The following PRDX1 variants were observed in gnomAD, a reference collection of about 807,000 sequenced individuals.
PRDX1 encodes the protein peroxiredoxin-1.
In PRDX1, 19 loss-of-function variants were observed where a neutral mutation model predicts 20.7. That is an observed-to-expected ratio of 0.92 (90% CI 0.64 to 1.35). PRDX1 has a LOEUF of 1.35. Among genes scored for constraint, PRDX1 ranks in the 40% most tolerant of loss-of-function variants. The pLI is 0.00. For missense variants in PRDX1, 226 were observed against 240.0 expected (o/e 0.94, Z 0.38); for synonymous variants, 89 against 83.9 (o/e 1.06, Z -0.33).
In PRDX1 at chr1:45,514,970, C is replaced by G; in HGVS notation, c.286G>C (p.Gly96Arg). 1 of 1,614,218 alleles carries G rather than the reference C, an allele frequency of 6.2e-7. No homozygotes were observed. The highest frequency in any genetic ancestry group is 8.5e-7 in the Non-Finnish European group (1 of 1,180,028). The stretch of plus-strand genomic sequence containing the variant: ...AAAGGAATGTTCATGGGTCCCAGTC[C>G]TCCTTGTTTCTTAGGTGTATTGACC... ...AWVNTPKKQG[G>R]LGPMNIPLVS... Residue 96 changes from glycine to arginine, a missense_variant, in exon 4 of 6, where the codon GGA becomes CGA. Coordinates refer to ENST00000319248, the MANE Select transcript of PRDX1 (RefSeq NM_181697.3).
intron 1 of PRDX1, among the ~76,000 whole-genome samples, chr1:45,520,435 G>A (rs1207151979): frequency 6.6e-6 from 1 of 151,952 alleles, no homozygotes; most frequent in Non-Finnish European, 1.5e-5. Context: ...TTAGTATTGA[G>A]ATCTTGGCCA....
chr1:45,514,471 C>T, intron 5 of PRDX1, 36 bp downstream of exon 5: 1 of 1,612,880 alleles, frequency 6.2e-7, no homozygotes, highest in Non-Finnish European at 8.5e-7. Context: ...CTTCATACCA[C>T]CACTCTGTTG....
Position 45,521,812 on chromosome 1 carries a change from G to C in PRDX1, c.-12+17C>G, listed in dbSNP as rs566701510. 6.5e-6 allele frequency: 1 copy of C among 152,728 alleles called. No individual in the cohort carries two copies. Among genetic ancestry groups the C allele is most frequent in the African/African-American group, 2.4e-5 (1 of 41,466 alleles). The allele number at this position is 152,728 out of a possible 1,614,324, so 9.5% of individuals were successfully genotyped here. A position where few individuals can be genotyped will look rare whatever the true frequency, so the allele number is the denominator to read the frequency against. ...CGCCGCGCCTCACTCCGCAGGGGCC[G>C]CACTGCCCACACTCACCAGTCCCAA... On this transcript the variant is annotated intron_variant, in intron 1 of 5. Coordinates refer to ENST00000319248, the MANE Select transcript of PRDX1 (RefSeq NM_181697.3).
chr1:45,512,588 G>T (rs187684328), intron 5 of PRDX1: 2 of 151,932 alleles, frequency 1.3e-5, no homozygotes, highest in African/African-American at 2.4e-5. Flanking sequence ...TATTTAAGAG[G>T]CTGTACATGT....
At chr1:45,520,205 C>CA (rs59260423) in intron 1 of PRDX1, among the ~76,000 whole-genome samples, 8,732 of 90,540 alleles carry the variant, frequency 0.096, 450 homozygotes, top group Non-Finnish European at 0.14. Flanking sequence ...ACTCTGTCTC[C>CA]AAAAAAAAAA....
At chr1:45,520,153 T>G (rs927857988) in intron 1 of PRDX1, among the ~76,000 whole-genome samples, 8 of 139,312 alleles carry the variant, frequency 5.7e-5, no homozygotes, top group African/African-American at 2.2e-4. Flanking sequence ...TGCAGTAAGC[T>G]GAGATCGCGC....
At chr1:45,518,467 C>CAAAAAAAAAAAAAAAAA (rs35407028) in intron 2 of PRDX1, among the ~76,000 whole-genome samples, 1 of 48,066 alleles carries the variant, frequency 2.1e-5, no homozygotes. Context: ...AACTCCATCT[C>CAAAAAAAAAAAAAAAAA]AAAAAAAAAA....
intron 5 of PRDX1, among the ~76,000 whole-genome samples, chr1:45,513,701 GTGCAAGATA>G (rs1425244147): frequency 1.3e-5 from 2 of 152,230 alleles, no homozygotes; most frequent in Non-Finnish European, 2.9e-5. Flanking sequence ...ATTAAGGGCT[GTGCAAGATA>G]TGCTTTGTTA....
chr1:45,512,215 A>G (rs1223462010), intron 5 of PRDX1: 2 of 149,022 alleles, frequency 1.3e-5, no homozygotes, highest in Non-Finnish European at 3.0e-5. Flanking sequence ...CCTCCCAAAT[A>G]GCTAGGATTA....
chr1:45,514,429 A>C, intron 5 of PRDX1, 78 bp downstream of exon 5: 1 of 1,524,620 alleles, frequency 6.6e-7, no homozygotes, highest in South Asian at 1.2e-5. Flanking sequence ...CCTAACGAGA[A>C]ACACCCACAG....
At position 45,511,182 on chromosome 1, in the gene PRDX1, AC is replaced by A; in HGVS notation, c.*146del. On this transcript the variant is annotated 3_prime_UTR_variant, in exon 6 of 6. Transcript: ENST00000319248. ...CAAAGGAAGAAAGGCTGGTCTCTCC[AC>A]CCCCTGTAGGAAAGGCCTGCCTTGT... 2 of 675,014 alleles carry A rather than the reference AC, an allele frequency of 3.0e-6. No individual in the cohort carries two copies. Among genetic ancestry groups the A allele is most frequent in the Non-Finnish European group, 5.0e-6 (2 of 400,216 alleles). 41.8% of individuals were successfully genotyped at this position (675,014 alleles called of 1,614,324 possible). A position where few individuals can be genotyped will look rare whatever the true frequency, so the allele number is the denominator to read the frequency against.
chr1:45,513,208 A>T (rs554671760), intron 5 of PRDX1: 12 of 152,336 alleles, frequency 7.9e-5, no homozygotes, highest in Admixed American at 2.6e-4. Flanking sequence ...AAAGTTATTT[A>T]AAAAATGGCA....
intron 1 of PRDX1, among the ~76,000 whole-genome samples, chr1:45,521,364 A>T (rs1282890388): frequency 6.6e-6 from 1 of 152,198 alleles, no homozygotes; most frequent in Non-Finnish European, 1.5e-5. Flanking sequence ...CGTACAGGAA[A>T]ATAAAGACGG....
rs1643917007 is a variant in PRDX1 at position 45,521,853 on chromosome 1, C to G, written c.-36G>C. The G allele has an allele frequency of 6.5e-6, 1 of 152,882 alleles. No homozygotes were observed. Among genetic ancestry groups the G allele is most frequent in the Non-Finnish European group, 1.5e-5 (1 of 68,508 alleles). 9.5% of individuals were successfully genotyped at this position (152,882 alleles called of 1,614,324 possible). On this transcript the variant is annotated 5_prime_UTR_variant, in exon 1 of 6. Transcript: ENST00000319248. ...CCAGTCCCAACACAAGTCGCAGAAA[C>G]TAACCACCGACACCAGGCAAGAACA... is the stretch of plus-strand genomic sequence containing the variant.
chr1:45,514,215 GTT>G (rs1418075558), intron 5 of PRDX1, among the ~76,000 whole-genome samples: 3 of 152,116 alleles, frequency 2.0e-5, no homozygotes, highest in Non-Finnish European at 4.4e-5. Flanking sequence ...TTGTTCACGT[GTT>G]TATCTGCTGA....
chr1:45,516,748 G>A (rs766153027), intron 2 of PRDX1, among the ~76,000 whole-genome samples: 5 of 152,106 alleles, frequency 3.3e-5, no homozygotes, highest in Non-Finnish European at 7.4e-5. Flanking sequence ...GGTGGCTGAC[G>A]TCTGTAATCC....
rs1414081297 is a variant in PRDX1, at chr1:45,519,039, G to GACAT, written c.1_4dup (p.Ser2TyrfsTer7). Reference sequence around the variant, plus strand: ...GTGCCCAATTTTAGCATTTCCTGAAGACATCTTCCTATCAGCTAGAAATAA... The same window carrying GACAT: ...GTGCCCAATTTTAGCATTTCCTGAAGACATACATCTTCCTATCAGCTAGAAATAA... On this transcript the variant is annotated frameshift_variant, in exon 2 of 6. Transcript: ENST00000319248. LOFTEE classifies it high-confidence loss of function. 6.3e-7 allele frequency: 1 copy of GACAT among 1,577,728 alleles called. No individual in the cohort carries two copies. Among genetic ancestry groups the GACAT allele is most frequent in the Non-Finnish European group, 8.6e-7 (1 of 1,163,010 alleles).
intron 2 of PRDX1, 119 bp downstream of exon 2, chr1:45,518,819 A>G (rs1643883529): frequency 1.1e-6 from 1 of 913,228 alleles, no homozygotes; most frequent in Admixed American, 2.8e-5. Flanking sequence ...AACAACCTAA[A>G]TACTTCTTCC....
At chr1:45,519,099 CAT>C (rs1214488422) in intron 1 of PRDX1, 45 bp from the exon 2 acceptor site, 11 of 1,379,756 alleles carry the variant, frequency 8.0e-6, no homozygotes, top group Non-Finnish European at 1.1e-5. Flanking sequence ...TAATTTTCTA[CAT>C]AACCAGCAGC....
Sources: allele counts gnomAD v4.1 joint callset (sites outside exome capture counted in the v4.1 genomes callset), GRCh38; gene constraint gnomAD v4.1.1; transcripts MANE v1.5; gene names NCBI Gene and HGNC (gene_info 2026-07-23, HGNC 2026-07-21).